Variants in POM121 observed in about 807,000 individuals in gnomAD.
POM121 encodes the protein POM121 transmembrane nucleoporin, also known as nuclear envelope pore membrane protein POM 121.
Under a neutral mutation model 81.3 loss-of-function variants are expected in POM121, and 32 were observed. The observed-to-expected ratio is 0.39, with a 90% CI of 0.30 to 0.53. The LOEUF is 0.53. POM121 is among the 20% of genes least tolerant of loss of function. The pLI is 0.66. For synonymous variants in POM121, 514 were observed against 694.2 expected (o/e 0.74, Z 4.08); for missense variants, 1,138 against 1,614.6 (o/e 0.70, Z 5.06).
intron 3 of POM121, among the ~76,000 whole-genome samples, chr7:72,907,809 C>T (rs1586108111): frequency 2.6e-5 from 4 of 152,234 alleles, no homozygotes; most frequent in East Asian, 3.9e-4. Context: ...CCGCGCCCAG[C>T]CTCTTCAGAT....
Position 72,941,858 on chromosome 7 carries a change from C to T in POM121, c.1865C>T (p.Thr622Ile). 4 of 1,493,022 alleles carry T rather than the reference C, an allele frequency of 2.7e-6. No individual in the cohort carries two copies. Among genetic ancestry groups the T allele is most frequent in the Non-Finnish European group, 2.7e-6 (3 of 1,106,398 alleles). The allele number at this position is 1,493,022 out of a possible 1,614,324, so 92.5% of individuals were successfully genotyped here. A position where few individuals can be genotyped will look rare whatever the true frequency, so the allele number is the denominator to read the frequency against. Residue 622 changes from threonine (T) to isoleucine (I), a missense_variant, in exon 11 of 13, where the codon ACT becomes ATT. By Grantham distance (89) the Thr-to-Ile change is moderately conservative. This residue lies in a region of POM121 where 25 missense variants were observed against 214.1 expected (regional missense o/e 0.12). Coordinates refer to ENST00000434423, the MANE Select transcript of POM121 (RefSeq NM_001387691.1). ...CCAGAATCTGCTGGAGCAGCAACCA[C>T]TGAGGCCCTCTCACCTCCAAAGACA... ...PCPESAGAAT[T>I]EALSPPKTPS...
upstream of POM121, among the ~76,000 whole-genome samples, chr7:72,922,752 T>G (rs1312142177): frequency 7.2e-5 from 11 of 152,144 alleles, no homozygotes; most frequent in Non-Finnish European, 1.0e-4. Flanking sequence ...TTGTGCCCTT[T>G]GTGTGTTCAT....
chr7:72,946,449 G>C lies in POM121; in HGVS notation c.*215G>C, dbSNP rs1797699059. The C allele has an allele frequency of 7.1e-7, 1 of 1,399,700 alleles. No individual in the cohort carries two copies. Among genetic ancestry groups the C allele is most frequent in the Admixed American group, 3.1e-5 (1 of 32,602 alleles). The allele number at this position is 1,399,700 out of a possible 1,614,324, so 86.7% of individuals were successfully genotyped here. A position where few individuals can be genotyped will look rare whatever the true frequency, so the allele number is the denominator to read the frequency against. ...GGGAAGCAGGATGCGGAGGGCCAAA[G>C]CCCGGGACCTCTACTTGAACAGTTC... On this transcript the variant is annotated 3_prime_UTR_variant, in exon 13 of 13. Transcript: ENST00000434423.
At chr7:72,928,148 T>C (rs1405651647) in intron 3 of POM121, among the ~76,000 whole-genome samples, 2 of 152,016 alleles carry the variant, frequency 1.3e-5, no homozygotes, top group Non-Finnish European at 2.9e-5. Context: ...AGAGGTTTGT[T>C]GCAGTGAGCC....
chr7:72,906,821 T>A (rs1317730008), intron 3 of POM121, among the ~76,000 whole-genome samples: 1 of 151,066 alleles, frequency 6.6e-6, no homozygotes, highest in Non-Finnish European at 1.5e-5. Flanking sequence ...AGAGATGGGG[T>A]CTCACTATCA....
chr7:72,884,761 A>T (rs1331052937), intron 1 of POM121, among the ~76,000 whole-genome samples: 1 of 149,292 alleles, frequency 6.7e-6, no homozygotes, highest in African/African-American at 2.4e-5. Flanking sequence ...ATATATATTT[A>T]TATATATATA....
At chr7:72,924,996 C>G (rs1396993420), upstream of POM121, 2 of 1,324,026 alleles carry the variant, frequency 1.5e-6, no homozygotes, top group African/African-American at 3.1e-5. Context: ...AGTTGGGTCT[C>G]GGGCGCTGCC....
At chr7:72,899,425 ATATTTGACAAATAAATGTG>A (rs1792340184) in intron 3 of POM121, among the ~76,000 whole-genome samples, 1 of 152,108 alleles carries the variant, frequency 6.6e-6, no homozygotes, top group Non-Finnish European at 1.5e-5. Flanking sequence ...TACCCAGCAA[ATATTTGACAAATAAATGTG>A]TATTTGAATA....
At chr7:72,945,441 A>G in intron 11 of POM121, 145 bp from the exon 12 acceptor site, 3 of 710,588 alleles carry the variant, frequency 4.2e-6, no homozygotes, top group Non-Finnish European at 7.0e-6. Context: ...TGTCTGGCTC[A>G]GCTGCTGATG....
At chr7:72,879,426 A>G (rs1252529005) in exon 1 of POM121, 1 of 206,190 alleles carries the variant, frequency 4.8e-6, no homozygotes, top group South Asian at 6.4e-5. Context: ...CCTCTAGTGG[A>G]TGAGAATCAC....
chr7:72,923,993 T>C (rs2129577540), upstream of POM121, among the ~76,000 whole-genome samples: 1 of 150,852 alleles, frequency 6.6e-6, no homozygotes, highest in East Asian at 2.0e-4. Flanking sequence ...TCGCCCAGGT[T>C]GGAGTGCAGT....
chr7:72,947,987 G>A lies in POM121; in HGVS notation c.*1753G>A. ...AACCTCAAGCCTAAATACCTGTTAG[G>A]ATTGGAGGGTCTGGGTGGGCCTGGG... On this transcript the variant is annotated 3_prime_UTR_variant, in exon 13 of 13. Coordinates refer to ENST00000434423, the MANE Select transcript of POM121 (RefSeq NM_001387691.1). 9.2e-7 allele frequency: 1 copy of A among 1,092,006 alleles called. No homozygotes were observed. Among genetic ancestry groups the A allele is most frequent in the Non-Finnish European group, 1.1e-6 (1 of 893,514 alleles). 67.6% of individuals were successfully genotyped at this position (1,092,006 alleles called of 1,614,324 possible).
intron 1 of POM121, among the ~76,000 whole-genome samples, chr7:72,889,779 A>T (rs1342839827): frequency 6.6e-6 from 1 of 152,146 alleles, no homozygotes; most frequent in African/African-American, 2.4e-5. Flanking sequence ...CGGCCTCCCA[A>T]AGTGCTAGGA....
intron 3 of POM121, among the ~76,000 whole-genome samples, chr7:72,911,047 C>T (rs1192278382): frequency 6.6e-6 from 1 of 152,212 alleles, no homozygotes; most frequent in African/African-American, 2.4e-5. Context: ...AGTACAATAG[C>T]GCAATCTTAG....
At chr7:72,933,073 C>T (rs1554498869) in intron 5 of POM121, among the ~76,000 whole-genome samples, 6 of 149,062 alleles carry the variant, frequency 4.0e-5, no homozygotes. Context: ...AAAAGCCAGC[C>T]GAGCTTGGTG....
chr7:72,910,725 A>G (rs1373371753), intron 3 of POM121, among the ~76,000 whole-genome samples: 2 of 151,942 alleles, frequency 1.3e-5, no homozygotes, highest in Non-Finnish European at 2.9e-5. Context: ...GTGTGTAGTC[A>G]AAAGGGCACT....
intron 3 of POM121, among the ~76,000 whole-genome samples, chr7:72,899,192 T>G (rs1792312777): frequency 6.6e-6 from 1 of 151,798 alleles, no homozygotes; most frequent in South Asian, 2.1e-4. Context: ...ATCATGTTGG[T>G]CAGGCTGGTC....
chr7:72,908,363 G>C (rs541379036), intron 3 of POM121, among the ~76,000 whole-genome samples: 1 of 152,186 alleles, frequency 6.6e-6, no homozygotes, highest in Non-Finnish European at 1.5e-5. Context: ...CAAAAGGGGA[G>C]GGAGTCTATG....
Position 72,916,407 on chromosome 7 carries a change from C to T in POM121, c.-152+2579C>T, listed in dbSNP as rs1455145118. Among the ~76,000 whole-genome samples the T allele has an allele frequency of 5.9e-5, 9 of 152,250 alleles. 1 individual carries two copies. The highest frequency in any genetic ancestry group is 2.2e-4 in the African/African-American group (9 of 41,562). On this transcript the variant is annotated intron_variant, in intron 4 of 15. Coordinates refer to the POM121 transcript ENST00000395270. ...GTATATGGCTAGCCAGTCTTCCCAG[C>T]ACCATTAAATAGAGAATCCTTACCC...
Sources: gnomAD v4.1 joint callset for allele counts (sites outside exome capture counted in the v4.1 genomes callset) on GRCh38, gnomAD v4.1.1 for gene constraint, gnomAD v4.1.1 regional missense constraint, MANE v1.5 for transcripts, NCBI Gene and HGNC (gene_info 2026-07-23, HGNC 2026-07-21) for gene names.